GRIK1: variants seen among roughly 807,000 people sequenced by gnomAD.
GRIK1 encodes the protein glutamate receptor ionotropic, kainate 1.
A neutral mutation model predicts 105.7 loss-of-function variants in GRIK1; 69 were observed. The ratio of observed to expected loss-of-function variants is 0.65; its 90% CI spans 0.54 to 0.80. The LOEUF (loss-of-function observed/expected upper bound fraction) is 0.80, where lower values mean the gene tolerates loss of function less well. Ranked by LOEUF, GRIK1 falls within the 30% of genes least tolerant of loss-of-function variation. GRIK1 has a pLI of 0.00. For missense variants in GRIK1, 1,109 were observed against 1,167.3 expected (o/e 0.95, Z 0.73); for synonymous variants, 438 against 431.3 (o/e 1.02, Z -0.19).
intron 1 of GRIK1, among the ~76,000 whole-genome samples, chr21:29,734,929 C>T (rs1223802177): frequency 1.3e-5 from 2 of 152,118 alleles, no homozygotes; most frequent in Non-Finnish European, 2.9e-5. Flanking sequence ...CATGCAGGGA[C>T]CTCCAACTTG....
In GRIK1 at chr21:29,846,459, GAGAGAGAA is replaced by G. The variant is rs1569154521; in HGVS notation, c.118+92916_118+92923del. 6.0e-3 allele frequency among the ~76,000 whole-genome samples: 633 copies of G among 106,162 alleles called. 5 individuals carry two copies. The highest frequency in any genetic ancestry group is 0.02 in the African/African-American group (584 of 29,486). 69.6% of individuals were successfully genotyped at this position (106,162 alleles called of 152,430 possible). A position where few individuals can be genotyped will look rare whatever the true frequency, so the allele number is the denominator to read the frequency against. ...AAGGAAAGAAGGAAAGAAGGAAAGA[GAGAGAGAA>G]AGAAAGAAAGAAAGAAAGAAAGAAA... On this transcript the variant is annotated intron_variant, in intron 1 of 17. Transcript: ENST00000327783.
At chr21:29,695,973 A>AT (rs999147862) in intron 1 of GRIK1, among the ~76,000 whole-genome samples, 11 of 152,366 alleles carry the variant, frequency 7.2e-5, no homozygotes, top group Middle Eastern at 6.8e-3. Context: ...ATTTATGTGC[A>AT]TTTTTTGTTA....
In GRIK1 at chr21:29,581,979, A is replaced by G. The variant is rs561691043; in HGVS notation, c.1794-436T>C. On this transcript the variant is annotated intron_variant, in intron 12 of 17. Transcript: ENST00000327783. ...GTCGTTAGGTCCTGTGGGAGACACAAAAAAGAGGGGTGACTTGCCTTCAAG... is the reference window on the plus strand; with the variant it reads ...GTCGTTAGGTCCTGTGGGAGACACAGAAAAGAGGGGTGACTTGCCTTCAAG... 1.1e-4 allele frequency among the ~76,000 whole-genome samples: 17 copies of G among 152,294 alleles called. No homozygotes were observed. The East Asian group carries it at 3.3e-3, about 29-fold the overall frequency.
intron 1 of GRIK1, among the ~76,000 whole-genome samples, chr21:29,770,331 G>A (rs1278493482): frequency 1.3e-5 from 2 of 152,310 alleles, no homozygotes; most frequent in African/African-American, 2.4e-5. Flanking sequence ...TAGTGCCCAC[G>A]TCTGGGTCTG....
chr21:29,680,593 G>A (rs907300736), intron 3 of GRIK1, among the ~76,000 whole-genome samples: 3 of 152,326 alleles, frequency 2.0e-5, no homozygotes, highest in Non-Finnish European at 2.9e-5. Flanking sequence ...CAGTCGTGGT[G>A]TAAAAGTATT....
At chr21:29,760,731 G>A (rs2065489236) in intron 1 of GRIK1, among the ~76,000 whole-genome samples, 1 of 152,192 alleles carries the variant, frequency 6.6e-6, no homozygotes, top group Admixed American at 6.5e-5. Flanking sequence ...TTGCAGAGGT[G>A]TCTCAAGAGC....
chr21:29,598,928 C>A lies in GRIK1; in HGVS notation c.1108G>T (p.Asp370Tyr). The A allele has an allele frequency of 6.5e-7, 1 of 1,532,576 alleles. No individual in the cohort carries two copies. The highest frequency in any genetic ancestry group is 8.9e-7 in the Non-Finnish European group (1 of 1,118,492). 94.9% of individuals were successfully genotyped at this position (1,532,576 alleles called of 1,614,324 possible). The change falls in exon 8 of 18, where the codon GAT becomes TAT. Residue 370 changes from aspartate to tyrosine, a missense_variant. This residue lies in a region of GRIK1 where 612 missense variants were observed against 586.0 expected (regional missense o/e 1.04). Transcript: ENST00000327783. ...AAGGTGATATGCCCAGTCAAGCCAT[C>A]CCACCGGGCCTGTGGACAAGAAGAA... ...FMNLIKEARW[D>Y]GLTGHITFNK...
rs369243796 is a variant in GRIK1 at position 29,865,659 on chromosome 21, C to T, written c.118+73724G>A. ...TATGGGGCATATATGTGAGAAAATGCCATTCATTCATTAACAATAGAAGTT... is the reference window on the plus strand; with the variant it reads ...TATGGGGCATATATGTGAGAAAATGTCATTCATTCATTAACAATAGAAGTT... On this transcript the variant is annotated intron_variant, in intron 1 of 17. Transcript: ENST00000327783. 3.9e-5 allele frequency among the ~76,000 whole-genome samples: 6 copies of T among 152,252 alleles called. No individual in the cohort carries two copies. The East Asian group carries it at 9.6e-4, about 24-fold the overall frequency.
chr21:29,807,529 T>C (rs1049137849), intron 1 of GRIK1, among the ~76,000 whole-genome samples: 7 of 152,054 alleles, frequency 4.6e-5, no homozygotes, highest in East Asian at 1.9e-4. Flanking sequence ...ATATAGCCAG[T>C]CAAGTGGCCT....
chr21:29,762,483 T>G (rs1364269685), intron 1 of GRIK1, among the ~76,000 whole-genome samples: 1 of 152,228 alleles, frequency 6.6e-6, no homozygotes, highest in Non-Finnish European at 1.5e-5. Context: ...CATCCTAGTC[T>G]TCAATTATTA....
chr21:29,550,335 T>C (rs1192640202), intron 16 of GRIK1, among the ~76,000 whole-genome samples: 1 of 152,154 alleles, frequency 6.6e-6, no homozygotes, highest in Admixed American at 6.6e-5. Flanking sequence ...GTCTGTCAGA[T>C]TGAATGCCAA....
chr21:29,620,847 TATATC>T (rs1375645115), intron 7 of GRIK1, among the ~76,000 whole-genome samples: 3 of 141,800 alleles, frequency 2.1e-5, no homozygotes, highest in Non-Finnish European at 4.6e-5. Flanking sequence ...TCATAAAATA[TATATC>T]ATATGTAGTT....
chr21:29,939,542 G>T lies in GRIK1; in HGVS notation c.-42C>A, dbSNP rs769988560. On this transcript the variant is annotated 5_prime_UTR_variant, in exon 1 of 18. Coordinates refer to ENST00000327783, the MANE Select transcript of GRIK1 (RefSeq NM_001330994.2). ...TTCATGCCGAGATACAGCCGCTGCC[G>T]GACGCCCGAGAGATGCACCCAACTT... The T allele has an allele frequency of 1.5e-6, 2 of 1,317,492 alleles. No homozygotes were observed. The highest frequency in any genetic ancestry group is 2.7e-5 in the East Asian group (1 of 37,514). 81.6% of individuals were successfully genotyped at this position (1,317,492 alleles called of 1,614,324 possible).
At chr21:29,682,749 G>C (rs1351167221) in intron 3 of GRIK1, among the ~76,000 whole-genome samples, 1 of 152,110 alleles carries the variant, frequency 6.6e-6, no homozygotes, top group African/African-American at 2.4e-5. Context: ...AAGTTCTCAA[G>C]AGAAATTGCA....
At position 29,555,061 on chromosome 21, in the gene GRIK1, A is replaced by G; in HGVS notation, c.2598T>C (p.Asp866=). The G allele has an allele frequency of 6.2e-7, 1 of 1,609,624 alleles. No individual in the cohort carries two copies. The highest frequency in any genetic ancestry group is 1.7e-4 in the Middle Eastern group (1 of 6,052). The change falls in exon 16 of 18, where the codon GAT becomes GAC. Residue 866 remains aspartate (D), a synonymous_variant. Coordinates refer to ENST00000327783, the MANE Select transcript of GRIK1 (RefSeq NM_001330994.2). The part of the protein sequence containing the change: ...EFIYKSRKNN[D]IEQKGKSSRI... ...GAAAGAGATGACTCACCTGTTCAAT[A>G]TCATTATTCTTCCGTGATTTGTATA...
intron 16 of GRIK1, among the ~76,000 whole-genome samples, chr21:29,549,807 GAGAA>G (rs1400502076): frequency 6.6e-6 from 1 of 152,040 alleles, no homozygotes; most frequent in Non-Finnish European, 1.5e-5. Flanking sequence ...AGTATAAAGG[GAGAA>G]AGAGAAGAGT....
At chr21:29,620,796 T>TATAG (rs1555851189) in intron 7 of GRIK1, among the ~76,000 whole-genome samples, 4 of 112,392 alleles carry the variant, frequency 3.6e-5, no homozygotes, top group African/African-American at 1.9e-4. Flanking sequence ...TATATATCTA[T>TATAG]ATATATATAG....
At chr21:29,766,714 G>A (rs1013529427) in intron 1 of GRIK1, among the ~76,000 whole-genome samples, 8 of 152,148 alleles carry the variant, frequency 5.3e-5, no homozygotes, top group Non-Finnish European at 1.0e-4. Context: ...CTTCATCAGA[G>A]GGACTTCTCT....
At chr21:29,607,525 A>G (rs900208821) in intron 7 of GRIK1, among the ~76,000 whole-genome samples, 8 of 152,176 alleles carry the variant, frequency 5.3e-5, no homozygotes, top group Admixed American at 3.3e-4. Context: ...CTCATGTTGC[A>G]GAGAAACTGA....
Sources: gnomAD v4.1 joint callset for allele counts (sites outside exome capture counted in the v4.1 genomes callset) on GRCh38, gnomAD v4.1.1 for gene constraint, gnomAD v4.1.1 regional missense constraint, MANE v1.5 for transcripts, NCBI Gene and HGNC (gene_info 2026-07-23, HGNC 2026-07-21) for gene names.